AGMO: variants seen among roughly 807,000 people sequenced by gnomAD.
AGMO encodes glyceryl-ether monooxygenase.
Under a neutral mutation model 60.2 loss-of-function variants are expected in AGMO, and 75 were observed. The observed-to-expected ratio is 1.25, with a 90% CI of 1.03 to 1.51. AGMO has a LOEUF of 1.51. Among genes scored for constraint, AGMO ranks in the 40% most tolerant of loss-of-function variants. AGMO has a pLI of 0.00. For synonymous variants in AGMO, 261 were observed against 177.1 expected (o/e 1.47, Z -3.76); for missense variants, 763 against 525.5 (o/e 1.45, Z -4.42).
chr7:15,474,781 T>A (rs1782548567), intron 3 of AGMO, among the ~76,000 whole-genome samples: 1 of 151,726 alleles, frequency 6.6e-6, no homozygotes. Context: ...TAGGAGAAAA[T>A]TTTTGCAATC....
In AGMO at chr7:15,201,367, A is replaced by T. The variant is rs551790301; in HGVS notation, c.1264-8T>A. ...GCAAATGGAAAAAACAATCTGAAGAAATAAAACACAAAGAGAAAAAAAAAT... is the reference window on the plus strand; with the variant it reads ...GCAAATGGAAAAAACAATCTGAAGATATAAAACACAAAGAGAAAAAAAAAT... On this transcript the variant is annotated splice_polypyrimidine_tract_variant and splice_region_variant and intron_variant, in intron 12 of 12. Transcript: ENST00000342526. 2 of 1,606,950 alleles carry T rather than the reference A, an allele frequency of 1.2e-6. No homozygotes were observed. The highest frequency in any genetic ancestry group is 1.7e-6 in the Non-Finnish European group (2 of 1,175,662).
At chr7:15,348,627 T>A (rs1782119247) in intron 12 of AGMO, among the ~76,000 whole-genome samples, 1 of 152,110 alleles carries the variant, frequency 6.6e-6, no homozygotes, top group Admixed American at 6.6e-5. Flanking sequence ...CTCGTGTATC[T>A]GTGCAGTCAG....
At chr7:15,316,205 C>CT (rs1332045635) in intron 12 of AGMO, among the ~76,000 whole-genome samples, 2 of 152,258 alleles carry the variant, frequency 1.3e-5, no homozygotes, top group Admixed American at 6.5e-5. Flanking sequence ...GGACAGAACA[C>CT]TTTAATTTAC....
chr7:15,395,803 C>A (rs1784351544), intron 5 of AGMO, among the ~76,000 whole-genome samples: 2 of 152,188 alleles, frequency 1.3e-5, no homozygotes, highest in South Asian at 4.1e-4. Flanking sequence ...TCAGACATAT[C>A]TCTAATACAA....
In AGMO at chr7:15,201,141, C is replaced by A; in HGVS notation, c.*144G>T. On this transcript the variant is annotated 3_prime_UTR_variant, in exon 13 of 13. Coordinates refer to ENST00000342526, the MANE Select transcript of AGMO (RefSeq NM_001004320.2). ...AATAGAAAATAACAAATGTGAAAGGCAAACAATAGTAAATAAGTAATTTTA... is the reference window on the plus strand; with the variant it reads ...AATAGAAAATAACAAATGTGAAAGGAAAACAATAGTAAATAAGTAATTTTA... The A allele has an allele frequency of 3.9e-6, 2 of 509,136 alleles. No homozygotes were observed. The highest frequency in any genetic ancestry group is 5.9e-5 in the South Asian group (1 of 16,994). 31.5% of individuals were successfully genotyped at this position (509,136 alleles called of 1,614,324 possible). A position where few individuals can be genotyped will look rare whatever the true frequency, so the allele number is the denominator to read the frequency against.
At position 15,436,001 on chromosome 7, in the gene AGMO, G is replaced by T. The variant is rs180961499; in HGVS notation, c.410-4893C>A. Among the ~76,000 whole-genome samples the T allele has an allele frequency of 9.1e-4, 138 of 152,200 alleles. 1 individual carries two copies. Among genetic ancestry groups the T allele is most frequent in the African/African-American group, 3.1e-3 (129 of 41,516 alleles). On this transcript the variant is annotated intron_variant, in intron 3 of 12. Coordinates refer to ENST00000342526, the MANE Select transcript of AGMO (RefSeq NM_001004320.2). The stretch of plus-strand genomic sequence containing the variant: ...ATAGCCATTTAATTCCCAATAGTGG[G>T]CAGGCCAAGAAGTCTTGGCGCAACC...
In AGMO at chr7:15,431,004, C is replaced by A. The variant is rs1334836942; in HGVS notation, c.513+1G>T. The A allele has an allele frequency of 1.3e-6, 2 of 1,544,502 alleles. No individual in the cohort carries two copies. The highest frequency in any genetic ancestry group is 1.8e-6 in the Non-Finnish European group (2 of 1,132,506). ...TGTTTATTCCATTTCATACAACTTA[C>A]CCAGGAAGTATATATCTGGAGGACA... On this transcript the variant is annotated splice_donor_variant, in intron 4 of 12. Transcript: ENST00000342526. LOFTEE classifies it high-confidence loss of function.
chr7:15,160,477 GTCTA>G, the AGMO span, among the ~76,000 whole-genome samples: 1 of 151,846 alleles, frequency 6.6e-6, no homozygotes, highest in East Asian at 1.9e-4. Context: ...TATTATCTGG[GTCTA>G]TCTGTCTATA....
At chr7:15,351,091 A>T (rs1429547478) in intron 12 of AGMO, among the ~76,000 whole-genome samples, 1 of 152,160 alleles carries the variant, frequency 6.6e-6, no homozygotes, top group African/African-American at 2.4e-5. Context: ...AGAAAATTGC[A>T]GTATAGTTTA....
At chr7:15,215,755 A>G (rs1781718216) in intron 12 of AGMO, among the ~76,000 whole-genome samples, 1 of 152,066 alleles carries the variant, frequency 6.6e-6, no homozygotes, top group Non-Finnish European at 1.5e-5. Flanking sequence ...TAACCCCACA[A>G]CATGGAACAC....
chr7:15,557,056 A>G (rs752886845), intron 2 of AGMO, among the ~76,000 whole-genome samples: 1 of 152,012 alleles, frequency 6.6e-6, no homozygotes, highest in East Asian at 1.9e-4. Flanking sequence ...AAGAGGCAGC[A>G]TGTGTCTTTT....
At chr7:15,434,762 C>T (rs866957727) in intron 3 of AGMO, among the ~76,000 whole-genome samples, 4 of 152,116 alleles carry the variant, frequency 2.6e-5, no homozygotes, top group Non-Finnish European at 5.9e-5. Flanking sequence ...CAATTTCTAA[C>T]CCACAGAAAC....
intron 3 of AGMO, among the ~76,000 whole-genome samples, chr7:15,520,754 T>C (rs1439331324): frequency 2.6e-5 from 4 of 152,044 alleles, no homozygotes; most frequent in Admixed American, 6.6e-5. Context: ...GTATGAAATA[T>C]CTAAAATCAA....
intron 3 of AGMO, among the ~76,000 whole-genome samples, chr7:15,493,986 T>C (rs1436430087): frequency 1.3e-5 from 2 of 152,192 alleles, no homozygotes; most frequent in Non-Finnish European, 2.9e-5. Flanking sequence ...GAATTTTTCC[T>C]TTGGGTTACA....
At chr7:15,492,413 GTCTA>G (rs753189620) in intron 3 of AGMO, among the ~76,000 whole-genome samples, 1 of 149,944 alleles carries the variant, frequency 6.7e-6, no homozygotes, top group Non-Finnish European at 1.5e-5. Flanking sequence ...CATAAAGAAC[GTCTA>G]GACTTTCCGC....
At chr7:15,260,023 G>GAA (rs199615017) in intron 12 of AGMO, among the ~76,000 whole-genome samples, 1 of 136,350 alleles carries the variant, frequency 7.3e-6, no homozygotes. Context: ...ATAACACAAT[G>GAA]AAAAAAAAAC....
chr7:15,256,193 A>G (rs753852824), intron 12 of AGMO, among the ~76,000 whole-genome samples: 1 of 152,228 alleles, frequency 6.6e-6, no homozygotes, highest in Non-Finnish European at 1.5e-5. Flanking sequence ...CAGGTAGGAA[A>G]AAGGACTGAA....
intron 5 of AGMO, 68 bp from the exon 6 acceptor site, chr7:15,394,247 C>A: frequency 1.7e-6 from 2 of 1,166,170 alleles, no homozygotes; most frequent in South Asian, 2.6e-5. Context: ...TATAAATGCT[C>A]ACATTAGAAA....
At chr7:15,181,720 G>C in the AGMO span, among the ~76,000 whole-genome samples, 5 of 152,132 alleles carry the variant, frequency 3.3e-5, no homozygotes, top group African/African-American at 1.2e-4. Flanking sequence ...TATTATTTTT[G>C]ATGGTAGTGT....
Sources: gnomAD v4.1 joint callset for allele counts (sites outside exome capture counted in the v4.1 genomes callset) on GRCh38, gnomAD v4.1.1 for gene constraint, MANE v1.5 for transcripts, NCBI Gene and HGNC (gene_info 2026-07-23, HGNC 2026-07-21) for gene names.